Variants in AKAP19 observed in about 807,000 individuals in gnomAD.
The protein encoded by AKAP19 is small A-kinase anchoring protein.
chr2:190,191,912 T>G, the AKAP19 span, among the ~76,000 whole-genome samples: 1 of 152,190 alleles, frequency 6.6e-6, no homozygotes, highest in Non-Finnish European at 1.5e-5. Flanking sequence ...TTGCTGTTTT[T>G]TTTTCAATCT....
chr2:190,020,861 C>T, the AKAP19 span, among the ~76,000 whole-genome samples: 2 of 152,180 alleles, frequency 1.3e-5, no homozygotes, highest in African/African-American at 2.4e-5. Flanking sequence ...TATTCATATG[C>T]ATGGGTATCC....
the AKAP19 span, among the ~76,000 whole-genome samples, chr2:190,114,648 G>A: frequency 6.6e-6 from 1 of 152,060 alleles, no homozygotes; most frequent in Non-Finnish European, 1.5e-5. Flanking sequence ...AGTAGAGACG[G>A]GGTTTCACCG....
chr2:190,063,568 G>T, the AKAP19 span, among the ~76,000 whole-genome samples: 1 of 152,132 alleles, frequency 6.6e-6, no homozygotes, highest in African/African-American at 2.4e-5. Flanking sequence ...GTTTGCCTCA[G>T]ATTTCCAGCA....
chr2:189,935,660 T>C, the AKAP19 span, among the ~76,000 whole-genome samples: 8 of 152,230 alleles, frequency 5.3e-5, no homozygotes, highest in South Asian at 1.0e-3. Flanking sequence ...TTTAGTTATG[T>C]TATATAAATT....
the AKAP19 span, among the ~76,000 whole-genome samples, chr2:189,903,767 T>C: frequency 6.6e-6 from 1 of 151,954 alleles, no homozygotes; most frequent in Non-Finnish European, 1.5e-5. Context: ...ACCCAATAAG[T>C]AGTTTTCCAA....
At chr2:190,148,045 T>A in the AKAP19 span, among the ~76,000 whole-genome samples, 1 of 152,154 alleles carries the variant, frequency 6.6e-6, no homozygotes, top group East Asian at 1.9e-4. Flanking sequence ...AGTACTGTGT[T>A]GAAGACGAGT....
At chr2:190,138,334 T>C in the AKAP19 span, among the ~76,000 whole-genome samples, 1 of 152,166 alleles carries the variant, frequency 6.6e-6, no homozygotes, top group Admixed American at 6.5e-5. Flanking sequence ...GCCATATTAG[T>C]GGAGTAGAAG....
the AKAP19 span, among the ~76,000 whole-genome samples, chr2:190,073,397 A>T: frequency 6.6e-6 from 1 of 152,172 alleles, no homozygotes; most frequent in Non-Finnish European, 1.5e-5. Flanking sequence ...GTAAGAATAG[A>T]ATAGAGTGCA....
chr2:189,897,455 T>C, the AKAP19 span, among the ~76,000 whole-genome samples: 2 of 152,152 alleles, frequency 1.3e-5, no homozygotes, highest in Non-Finnish European at 2.9e-5. Flanking sequence ...TAAAATATTA[T>C]GTATTCTGTG....
chr2:190,099,589 C>T, the AKAP19 span, among the ~76,000 whole-genome samples: 1 of 152,104 alleles, frequency 6.6e-6, no homozygotes, highest in Non-Finnish European at 1.5e-5. Context: ...CAAAATGCGA[C>T]AGAGACACCA....
At chr2:189,949,304 A>G in the AKAP19 span, among the ~76,000 whole-genome samples, 1 of 152,148 alleles carries the variant, frequency 6.6e-6, no homozygotes, top group East Asian at 1.9e-4. Context: ...CTGTAATCCC[A>G]GCACTTTGGG....
chr2:190,057,525 A>G, the AKAP19 span: 1 of 1,613,584 alleles, frequency 6.2e-7, no homozygotes, highest in South Asian at 1.1e-5. Flanking sequence ...CAAAATCCAC[A>G]GTTAGAGGGT....
At chr2:189,888,237 A>C in the AKAP19 span, among the ~76,000 whole-genome samples, 1 of 152,190 alleles carries the variant, frequency 6.6e-6, no homozygotes, top group Non-Finnish European at 1.5e-5. Flanking sequence ...TGTTTTTGTC[A>C]GGTTTATCAA....
chr2:189,951,705 A>G, the AKAP19 span, among the ~76,000 whole-genome samples: 104,662 of 152,094 alleles, frequency 0.69, 36,957 homozygotes, highest in East Asian at 0.86. Flanking sequence ...AAGTTAGAGA[A>G]TCATTTAGCT....
chr2:190,019,364 G>A, the AKAP19 span, among the ~76,000 whole-genome samples: 1 of 152,112 alleles, frequency 6.6e-6, no homozygotes, highest in Non-Finnish European at 1.5e-5. Context: ...AAAATGGGCT[G>A]TGGAGGGTGT....
At chr2:189,959,049 A>G in the AKAP19 span, among the ~76,000 whole-genome samples, 1 of 152,226 alleles carries the variant, frequency 6.6e-6, no homozygotes, top group East Asian at 1.9e-4. Flanking sequence ...AGGGGTACAC[A>G]GGACTTCAAT....
chr2:189,975,773 A>G, the AKAP19 span, among the ~76,000 whole-genome samples: 4 of 152,036 alleles, frequency 2.6e-5, no homozygotes. Flanking sequence ...AGTTGATCGA[A>G]TCGGCTACTG....
chr2:190,089,474 CT>C, the AKAP19 span: 4 of 151,966 alleles, frequency 2.6e-5, no homozygotes, highest in African/African-American at 9.6e-5. Flanking sequence ...CTATGTACAC[CT>C]GAAAAATGTA....
At chr2:190,068,433 G>A in the AKAP19 span, among the ~76,000 whole-genome samples, 3 of 152,096 alleles carry the variant, frequency 2.0e-5, no homozygotes, top group Non-Finnish European at 2.9e-5. Flanking sequence ...GGGTTCAAGC[G>A]ATTCTCCTGC....
Sources: allele counts gnomAD v4.1 joint callset (sites outside exome capture counted in the v4.1 genomes callset), GRCh38; gene constraint gnomAD v4.1.1; transcripts MANE v1.5; gene names NCBI Gene and HGNC (gene_info 2026-07-23, HGNC 2026-07-21).